The following ORC1 variants were observed in gnomAD, a reference collection of about 807,000 sequenced individuals.
ORC1 encodes origin recognition complex subunit 1.
A neutral mutation model predicts 98.9 loss-of-function variants in ORC1; 61 were observed. The observed-to-expected ratio is 0.62, with a 90% CI of 0.50 to 0.76. The LOEUF (loss-of-function observed/expected upper bound fraction) is 0.76, where lower values mean the gene tolerates loss of function less well. ORC1 is among the 30% of genes least tolerant of loss of function. The pLI, the probability that ORC1 is intolerant of heterozygous loss-of-function variation, is 0.00. For synonymous variants in ORC1, 385 were observed against 406.9 expected (o/e 0.95, Z 0.65); for missense variants, 979 against 1,072.2 (o/e 0.91, Z 1.21).
chr1:52,378,484 ACT>A lies in ORC1; in HGVS notation c.2134-2887_2134-2886del, dbSNP rs1201290350. On this transcript the variant is annotated intron_variant, in intron 14 of 16. Transcript: ENST00000371568. ...AGACCAGCCTGGACAACATGGTAAA[ACT>A]CCGCCTCTACTAAAAATACAAAACT... 2.0e-5 allele frequency among the ~76,000 whole-genome samples: 3 copies of A among 149,914 alleles called. No homozygotes were observed. In the Admixed American group the frequency reaches 2.0e-4, roughly 10 times the overall value.
intron 3 of ORC1, among the ~76,000 whole-genome samples, chr1:52,398,245 T>A (rs1647517614): frequency 6.7e-6 from 1 of 149,930 alleles, no homozygotes; most frequent in Non-Finnish European, 1.5e-5. Context: ...ATTACAGGCA[T>A]GAGCCACCAC....
At position 52,375,588 on chromosome 1, in the gene ORC1, C is replaced by G. The variant is rs764755099; in HGVS notation, c.2145G>C (p.Leu715=). 2.5e-6 allele frequency: 4 copies of G among 1,613,908 alleles called. No homozygotes were observed. The highest frequency in any genetic ancestry group is 2.2e-5 in the South Asian group (2 of 91,074). Residue 715 remains leucine, a synonymous_variant, in exon 15 of 17, where the codon CTG becomes CTC. Transcript: ENST00000371568. The part of the protein sequence containing the change: ...IQLVARKVAA[L]SGDARRCLDI... Reference sequence around the variant, plus strand: ...CCAGGCACCGTCGTGCATCTCCAGACAGTGCTGCTACCTACAAGAGGGAAT... The same window carrying G: ...CCAGGCACCGTCGTGCATCTCCAGAGAGTGCTGCTACCTACAAGAGGGAAT...
chr1:52,398,198 A>G (rs934556360), intron 3 of ORC1, among the ~76,000 whole-genome samples: 1 of 151,764 alleles, frequency 6.6e-6, no homozygotes, highest in African/African-American at 2.4e-5. Flanking sequence ...TCGTGACCTC[A>G]CGTGATCTGC....
chr1:52,406,230 C>A (rs945740194), upstream of ORC1, among the ~76,000 whole-genome samples: 1 of 151,864 alleles, frequency 6.6e-6, no homozygotes, highest in African/African-American at 2.4e-5. Flanking sequence ...TTCAGGTAAT[C>A]CCCTCCCCCC....
In ORC1 at chr1:52,383,436, C is replaced by T. The variant is rs918861075; in HGVS notation, c.1997G>A (p.Arg666Gln). ...AGAACCTACCAGTCGGCTGGACACC[C>T]GGTTCATCATGATTCGCTCTGGCAG... ...MDLPERIMMN[R>Q]VSSRLGLTRM... Residue 666 changes from arginine to glutamine, a missense_variant, in exon 13 of 17, where the codon CGG (arginine) becomes CAG (glutamine). By Grantham distance (43) the Arg-to-Gln change is conservative. Transcript: ENST00000371568. The T allele has an allele frequency of 1.1e-5, 18 of 1,612,554 alleles. No homozygotes were observed. The highest frequency in any genetic ancestry group is 1.7e-5 in the Admixed American group (1 of 59,996).
At chr1:52,393,830 A>AT in intron 5 of ORC1, 27 bp from the exon 6 acceptor site, 2 of 1,607,734 alleles carry the variant, frequency 1.2e-6, no homozygotes, top group Non-Finnish European at 1.7e-6. Flanking sequence ...CAATGTGTAA[A>AT]TTTTTTACCT....
chr1:52,381,592 T>C (rs1300555585), intron 14 of ORC1, 50 bp downstream of exon 14: 10 of 1,602,388 alleles, frequency 6.2e-6, no homozygotes, highest in Non-Finnish European at 7.7e-6. Context: ...ACCCAGCAGG[T>C]ACTCAGCAAA....
At chr1:52,383,176 C>A (rs562351361) in intron 13 of ORC1, among the ~76,000 whole-genome samples, 15 of 151,986 alleles carry the variant, frequency 9.9e-5, no homozygotes, top group Admixed American at 2.0e-4. Context: ...TCAAGCAATT[C>A]TCCTGCCTCA....
At chr1:52,374,726 G>A (rs939618343) in intron 16 of ORC1, 84 bp downstream of exon 16, 11 of 886,078 alleles carry the variant, frequency 1.2e-5, no homozygotes, top group Non-Finnish European at 1.5e-5. Flanking sequence ...ACAAAATAGA[G>A]TGTCACACAT....
chr1:52,392,420 G>A (rs768955527), intron 6 of ORC1, among the ~76,000 whole-genome samples: 5 of 152,150 alleles, frequency 3.3e-5, no homozygotes, highest in African/African-American at 7.2e-5. Context: ...GAGCCACCGC[G>A]CCCAGCCAGA....
At chr1:52,389,346 C>A (rs760068325) in intron 6 of ORC1, 25 bp from the exon 7 acceptor site, 2 of 1,582,580 alleles carry the variant, frequency 1.3e-6, no homozygotes, top group African/African-American at 1.3e-5. Context: ...AGCGAGGTCA[C>A]GGGAAGCAGT....
intron 13 of ORC1, among the ~76,000 whole-genome samples, chr1:52,382,572 CTTTTTTTTTTTT>C (rs3049207): frequency 3.7e-5 from 4 of 107,410 alleles, no homozygotes; most frequent in East Asian, 2.5e-4. Context: ...AGTGCTAAAA[CTTTTTTTTTTTT>C]TTTTTTTTTT....
At position 52,402,248 on chromosome 1, in the gene ORC1, C is replaced by T. The variant is rs754347567; in HGVS notation, c.-5-20G>A. ...TGGCTTCTGTGGAAGAGTCCAAACTCTGAGTTACCATGATAAATATTTGGT... is the reference window on the plus strand; with the variant it reads ...TGGCTTCTGTGGAAGAGTCCAAACTTTGAGTTACCATGATAAATATTTGGT... On this transcript the variant is annotated intron_variant, in intron 1 of 16. Coordinates refer to ENST00000371568, the MANE Select transcript of ORC1 (RefSeq NM_004153.4). The T allele has an allele frequency of 1.3e-6, 2 of 1,550,880 alleles. No homozygotes were observed. Among genetic ancestry groups the T allele is most frequent in the East Asian group, 4.5e-5 (2 of 44,570 alleles).
chr1:52,386,831 G>A (rs1326799074), intron 8 of ORC1, among the ~76,000 whole-genome samples: 1 of 152,090 alleles, frequency 6.6e-6, no homozygotes, highest in Non-Finnish European at 1.5e-5. Context: ...CACTCCTGTA[G>A]TCCCAGCTAC....
At position 52,389,187 on chromosome 1, in the gene ORC1, G is replaced by A. The variant is rs116759623; in HGVS notation, c.1187+30C>T. 3,410 of 1,487,382 alleles carry A rather than the reference G, an allele frequency of 2.3e-3. 76 individuals are homozygous for A. The African/African-American group carries it at 0.043, about 19-fold the overall frequency. 92.1% of individuals were successfully genotyped at this position (1,487,382 alleles called of 1,614,324 possible). ...TATAGATATCAGAGATGGCAGCAATGTTTCTCTGCCTGCCAAGGAGTAGTC... is the reference window on the plus strand; with the variant it reads ...TATAGATATCAGAGATGGCAGCAATATTTCTCTGCCTGCCAAGGAGTAGTC... On this transcript the variant is annotated intron_variant, in intron 7 of 16. Transcript: ENST00000371568.
At position 52,402,212 on chromosome 1, in the gene ORC1, G is replaced by A. The variant is rs1443440374; in HGVS notation, c.12C>T (p.Tyr4=). The A allele has an allele frequency of 9.3e-6, 15 of 1,613,972 alleles. No homozygotes were observed. Among genetic ancestry groups the A allele is most frequent in the Non-Finnish European group, 1.2e-5 (14 of 1,179,976 alleles). The change falls in exon 2 of 17, where the codon TAC becomes TAT. Residue 4 remains tyrosine, a synonymous_variant. Transcript: ENST00000371568. MAH[Y]PTRLKTRKTY... The stretch of plus-strand genomic sequence containing the variant: ...TTTTTCTGGTCTTCAGCCTTGTGGG[G>A]TAGTGTGCCATGGCTTCTGTGGAAG...
At chr1:52,374,935 G>A in intron 15 of ORC1, 38 bp from the exon 16 acceptor site, 1 of 1,300,372 alleles carries the variant, frequency 7.7e-7, no homozygotes, top group Non-Finnish European at 1.1e-6. Flanking sequence ...TTTGTCAGTG[G>A]CTGTAACCCC....
At chr1:52,408,038 A>T (rs1325283222), upstream of ORC1, among the ~76,000 whole-genome samples, 1 of 152,250 alleles carries the variant, frequency 6.6e-6, no homozygotes, top group Non-Finnish European at 1.5e-5. Flanking sequence ...CCTGGGCAAC[A>T]GAGCAAGATT....
At chr1:52,404,726 A>T, upstream of ORC1, 1 of 1,610,018 alleles carries the variant, frequency 6.2e-7, no homozygotes, top group East Asian at 2.2e-5. Context: ...GATCCGACGG[A>T]AATAGAATTG....
Sources: gnomAD v4.1 joint callset for allele counts (sites outside exome capture counted in the v4.1 genomes callset) on GRCh38, gnomAD v4.1.1 for gene constraint, MANE v1.5 for transcripts, NCBI Gene and HGNC (gene_info 2026-07-23, HGNC 2026-07-21) for gene names.